The following FUT8 variants were observed in gnomAD, a reference collection of about 807,000 sequenced individuals.
FUT8 encodes fucosyltransferase 8.
In FUT8, 29 loss-of-function variants were observed where a neutral mutation model predicts 71.3. That is an observed-to-expected ratio of 0.41 (90% CI 0.30 to 0.55). The LOEUF is 0.55. Among genes scored for constraint, FUT8 ranks in the 20% least tolerant of loss-of-function variants. The pLI is 0.34. For synonymous variants in FUT8, 254 were observed against 239.3 expected, an observed-to-expected ratio of 1.06 and a Z score of -0.57; for missense variants, 544 against 702.1, an observed-to-expected ratio of 0.77 and a Z score of 2.55.
intron 1 of FUT8, among the ~76,000 whole-genome samples, chr14:65,443,267 G>A (rs377413676): frequency 5.2e-4 from 79 of 152,080 alleles, no homozygotes; most frequent in African/African-American, 1.5e-3. Flanking sequence ...AAAATTAGCC[G>A]GGCATGGTGG....
intron 6 of FUT8, among the ~76,000 whole-genome samples, chr14:65,662,279 G>T (rs538499850): frequency 3.3e-5 from 5 of 152,230 alleles, no homozygotes; most frequent in East Asian, 1.9e-4. Flanking sequence ...TGGGCTACTT[G>T]GGGGGATGAG....
chr14:65,612,763 C>G (rs1452883921), intron 3 of FUT8, among the ~76,000 whole-genome samples: 1 of 152,200 alleles, frequency 6.6e-6, no homozygotes, highest in African/African-American at 2.4e-5. Flanking sequence ...CTCTGGTGAT[C>G]ACTGCCCTTT....
At chr14:65,734,793 C>T (rs1197047641) in intron 10 of FUT8, among the ~76,000 whole-genome samples, 4 of 152,164 alleles carry the variant, frequency 2.6e-5, no homozygotes, top group Non-Finnish European at 5.9e-5. Flanking sequence ...GCCACCTTCT[C>T]TGTAGGCCTG....
At chr14:65,689,904 G>C (rs1218108013) in intron 7 of FUT8, among the ~76,000 whole-genome samples, 3 of 152,106 alleles carry the variant, frequency 2.0e-5, no homozygotes, top group Non-Finnish European at 4.4e-5. Context: ...TTGTGCTTTT[G>C]GTGTTATATC....
intron 2 of FUT8, among the ~76,000 whole-genome samples, chr14:65,549,460 T>A (rs1249263188): frequency 6.6e-6 from 1 of 152,126 alleles, no homozygotes; most frequent in Non-Finnish European, 1.5e-5. Context: ...TAAATTATGG[T>A]TTTATTTGTA....
At chr14:65,739,365 ATAGT>A in intron 10 of FUT8, among the ~76,000 whole-genome samples, 1 of 152,090 alleles carries the variant, frequency 6.6e-6, no homozygotes, top group Admixed American at 6.6e-5. Context: ...TATTATTATA[ATAGT>A]TATTTCTTTG....
chr14:65,469,748 C>G (rs1294247525), intron 2 of FUT8, among the ~76,000 whole-genome samples: 1 of 152,214 alleles, frequency 6.6e-6, no homozygotes, highest in Non-Finnish European at 1.5e-5. Flanking sequence ...CAGCTCTCAG[C>G]AGAGACGATA....
chr14:65,410,032 T>TG (rs776938432), upstream of FUT8, among the ~76,000 whole-genome samples: 12 of 152,058 alleles, frequency 7.9e-5, no homozygotes, highest in Admixed American at 6.6e-5. Flanking sequence ...AGCAACAGGG[T>TG]GGGACCTGCA....
intron 2 of FUT8, among the ~76,000 whole-genome samples, chr14:65,474,146 G>A (rs1236195190): frequency 6.6e-6 from 1 of 151,868 alleles, no homozygotes; most frequent in Non-Finnish European, 1.5e-5. Context: ...TGAGACGCGG[G>A]GAGAATAGGA....
intron 1 of FUT8, among the ~76,000 whole-genome samples, chr14:65,449,240 G>A (rs1402953104): frequency 6.6e-6 from 1 of 152,172 alleles, no homozygotes; most frequent in Non-Finnish European, 1.5e-5. Flanking sequence ...GTAAAGTAAT[G>A]TTAATTGTTA....
the FUT8 span, among the ~76,000 whole-genome samples, chr14:65,365,328 CCTCTCTCTCT>C: frequency 0.15 from 20,480 of 138,970 alleles, 1,780 homozygotes; most frequent in Middle Eastern, 0.21. Flanking sequence ...ATAAATTCTT[CCTCTCTCTCT>C]CTCTCTCTCT....
intron 2 of FUT8, among the ~76,000 whole-genome samples, chr14:65,499,821 A>C (rs1419967773): frequency 6.6e-6 from 1 of 151,642 alleles, no homozygotes; most frequent in Non-Finnish European, 1.5e-5. Context: ...CTGTCTCAAA[A>C]AAAAAAAAAA....
chr14:65,450,214 T>C (rs2065801359), intron 1 of FUT8, among the ~76,000 whole-genome samples: 1 of 152,218 alleles, frequency 6.6e-6, no homozygotes, highest in Admixed American at 6.5e-5. Flanking sequence ...TTCTTCCTAA[T>C]GGTGTGGGTA....
chr14:65,697,566 G>T (rs747298946), intron 7 of FUT8, among the ~76,000 whole-genome samples: 7 of 152,168 alleles, frequency 4.6e-5, no homozygotes, highest in African/African-American at 1.7e-4. Flanking sequence ...GAGCTAAAAC[G>T]TGAAAATTCT....
At chr14:65,726,235 T>C (rs2139366476) in intron 9 of FUT8, among the ~76,000 whole-genome samples, 1 of 152,390 alleles carries the variant, frequency 6.6e-6, no homozygotes, top group Admixed American at 6.5e-5. Context: ...ACTCTTTCAC[T>C]TGTTCTGGAA....
intron 2 of FUT8, among the ~76,000 whole-genome samples, chr14:65,508,511 T>TC (rs1882104494): frequency 7.3e-6 from 1 of 136,830 alleles, no homozygotes; most frequent in Non-Finnish European, 1.6e-5. Flanking sequence ...TTTTTTTTTT[T>TC]TTTTTTGAGA....
chr14:65,732,628 C>T (rs1157820828), intron 9 of FUT8, among the ~76,000 whole-genome samples: 1 of 152,134 alleles, frequency 6.6e-6, no homozygotes, highest in East Asian at 1.9e-4. Context: ...AATTTGCTTC[C>T]ATAAATATTA....
chr14:65,677,355 A>G (rs1892814261), intron 7 of FUT8, among the ~76,000 whole-genome samples: 1 of 152,094 alleles, frequency 6.6e-6, no homozygotes, highest in South Asian at 2.1e-4. Context: ...TATTCTTAGC[A>G]GTTATTGAAA....
chr14:65,445,132 C>A (rs570326962), intron 1 of FUT8, among the ~76,000 whole-genome samples: 1 of 152,056 alleles, frequency 6.6e-6, no homozygotes, highest in South Asian at 2.1e-4. Context: ...CCTAAACCTG[C>A]GAGGCAGAGG....
Sources: gnomAD v4.1 joint callset for allele counts (sites outside exome capture counted in the v4.1 genomes callset) on GRCh38, gnomAD v4.1.1 for gene constraint, MANE v1.5 for transcripts, NCBI Gene and HGNC (gene_info 2026-07-23, HGNC 2026-07-21) for gene names.